Variants in GLG1 observed in about 807,000 individuals in gnomAD.
GLG1 encodes golgi glycoprotein 1.
A neutral mutation model predicts 160.5 loss-of-function variants in GLG1; 38 were observed. That is an observed-to-expected ratio of 0.24 (90% confidence interval 0.18 to 0.31). The LOEUF (loss-of-function observed/expected upper bound fraction) is 0.31. Ranked by LOEUF, GLG1 falls within the 10% of genes least tolerant of loss-of-function variation. The probability of loss-of-function intolerance (pLI) is 1.00; values close to 1 mark genes in which losing one functional copy is unlikely to be tolerated. For synonymous variants in GLG1, 644 were observed against 543.4 expected (o/e 1.19, Z -2.57); for missense variants, 1,373 against 1,505.2 (o/e 0.91, Z 1.45).
At chr16:74,462,775 C>A in intron 20 of GLG1, 145 bp from the exon 21 acceptor site, 2 of 733,422 alleles carry the variant, frequency 2.7e-6, no homozygotes, top group South Asian at 1.6e-5. Context: ...ATTTACTGAG[C>A]TCTCACTACA....
chr16:74,515,470 G>C (rs180732110), intron 2 of GLG1, among the ~76,000 whole-genome samples: 73 of 152,148 alleles, frequency 4.8e-4, no homozygotes, highest in Non-Finnish European at 8.7e-4. Context: ...TGCAATCAAA[G>C]TAGAACTCAG....
chr16:74,589,470 C>G (rs1597376635), intron 1 of GLG1, among the ~76,000 whole-genome samples: 1 of 152,090 alleles, frequency 6.6e-6, no homozygotes, highest in East Asian at 1.9e-4. Flanking sequence ...AGCAAATTCC[C>G]AAACCACTGA....
chr16:74,540,057 T>A (rs56125806), intron 1 of GLG1, among the ~76,000 whole-genome samples: 454 of 828 alleles, frequency 0.55, 153 homozygotes, highest in Non-Finnish European at 0.74. Flanking sequence ...TTATATATAT[T>A]TTATATATAT....
In GLG1 at chr16:74,448,616, G is replaced by C. The variant is rs769285313; in HGVS notation, c.*4551C>G. On this transcript the variant is annotated 3_prime_UTR_variant, in exon 26 of 26. Coordinates refer to ENST00000422840, the MANE Select transcript of GLG1 (RefSeq NM_001145667.2). ...AATAAGAAAAAATTATCCAGGCATG[G>C]TGGTGCATGCCCGTAATCCCAACTA... is the stretch of plus-strand genomic sequence containing the variant. 2.0e-5 allele frequency: 3 copies of C among 152,150 alleles called. No individual in the cohort carries two copies. The highest frequency in any genetic ancestry group is 4.4e-5 in the Non-Finnish European group (3 of 68,040). 9.4% of individuals were successfully genotyped at this position (152,150 alleles called of 1,614,324 possible).
At chr16:74,598,412 T>C (rs191154901) in intron 1 of GLG1, among the ~76,000 whole-genome samples, 1 of 151,266 alleles carries the variant, frequency 6.6e-6, no homozygotes, top group African/African-American at 2.4e-5. Flanking sequence ...TCCCAGCTAC[T>C]CGGGAGGCTG....
intron 1 of GLG1, among the ~76,000 whole-genome samples, chr16:74,596,294 T>A (rs567748320): frequency 6.7e-6 from 1 of 150,196 alleles, no homozygotes; most frequent in East Asian, 2.0e-4. Context: ...TTTGGGGGGC[T>A]AAGGCAGGTG....
In GLG1 at chr16:74,477,456, G is replaced by C. The variant is rs748089648; in HGVS notation, c.1905C>G (p.Leu635=). Residue 635 remains leucine, a synonymous_variant, in exon 12 of 26, where the codon CTC becomes CTG. Coordinates refer to ENST00000422840, the MANE Select transcript of GLG1 (RefSeq NM_001145667.2). ...RAMDVKLDPA[L]QDKCLIDLGK... Reference sequence around the variant, plus strand: ...CCAGATCAATCAGGCACTTATCCTGGAGGGCAGGATCCAGCTTGACATCCA... The same window carrying C: ...CCAGATCAATCAGGCACTTATCCTGCAGGGCAGGATCCAGCTTGACATCCA... 1.2e-5 allele frequency: 19 copies of C among 1,611,160 alleles called. No homozygotes were observed. Among genetic ancestry groups the C allele is most frequent in the Non-Finnish European group, 1.6e-5 (19 of 1,177,298 alleles).
chr16:74,495,089 A>C (rs1291320921), intron 5 of GLG1, among the ~76,000 whole-genome samples: 1 of 150,492 alleles, frequency 6.6e-6, no homozygotes, highest in Non-Finnish European at 1.5e-5. Flanking sequence ...AACCAAGAGA[A>C]GTGTTAGAGT....
chr16:74,487,145 A>G (rs1278353899), intron 8 of GLG1, among the ~76,000 whole-genome samples: 3 of 152,116 alleles, frequency 2.0e-5, no homozygotes, highest in Non-Finnish European at 4.4e-5. Context: ...AACTCAAGTG[A>G]TCCGCCCACC....
chr16:74,507,155 C>T (rs1200890780), intron 3 of GLG1, among the ~76,000 whole-genome samples: 1 of 152,140 alleles, frequency 6.6e-6, no homozygotes, highest in Non-Finnish European at 1.5e-5. Flanking sequence ...TATTTAATTT[C>T]CCTGACTCCA....
rs1567453255 is a variant in GLG1 at position 74,456,650 on chromosome 16, T to A, written c.3371A>T (p.Lys1124Met). 1.3e-6 allele frequency: 2 copies of A among 1,586,302 alleles called. No individual in the cohort carries two copies. The change falls in exon 25 of 26, where the codon AAG becomes ATG. Residue 1124 changes from lysine to methionine, a missense_variant and splice_region_variant. This residue lies in a region of GLG1 where 491 missense variants were observed against 632.1 expected (regional missense o/e 0.78). Coordinates refer to ENST00000422840, the MANE Select transcript of GLG1 (RefSeq NM_001145667.2). The part of the protein sequence containing the change: ...DRIEMWSYAA[K>M]VAPADGFSDL... ...AAAGGAGATTCTCTTGGTCATTACC[T>A]TTGCTGCGTAACTCCACATCTCAAT...
chr16:74,501,895 T>A (rs2016416263), intron 4 of GLG1, among the ~76,000 whole-genome samples: 1 of 152,210 alleles, frequency 6.6e-6, no homozygotes, highest in African/African-American at 2.4e-5. Flanking sequence ...CCTGAAAGAT[T>A]TATGCCAAGC....
At chr16:74,559,598 A>T (rs1464642682) in intron 1 of GLG1, among the ~76,000 whole-genome samples, 1 of 152,054 alleles carries the variant, frequency 6.6e-6, no homozygotes, top group African/African-American at 2.4e-5. Context: ...TTAATTTTAG[A>T]GAGTGAAATA....
At chr16:74,534,779 T>G (rs955032036) in intron 1 of GLG1, among the ~76,000 whole-genome samples, 1 of 152,148 alleles carries the variant, frequency 6.6e-6, no homozygotes, top group Non-Finnish European at 1.5e-5. Context: ...CAAATCAAGA[T>G]AGCAAAAGAG....
At chr16:74,480,204 A>C (rs374383232) in intron 11 of GLG1, 37 bp downstream of exon 11, 36 of 1,523,854 alleles carry the variant, frequency 2.4e-5, no homozygotes, top group Non-Finnish European at 3.1e-5. Flanking sequence ...AAAACAAATG[A>C]CAAGAAGAAG....
In GLG1 at chr16:74,449,176, A is replaced by T. The variant is rs1360507786; in HGVS notation, c.*3991T>A. 6.6e-6 allele frequency: 1 copy of T among 152,254 alleles called. No individual in the cohort carries two copies. Among genetic ancestry groups the T allele is most frequent in the African/African-American group, 2.4e-5 (1 of 41,448 alleles). 9.4% of individuals were successfully genotyped at this position (152,254 alleles called of 1,614,324 possible). On this transcript the variant is annotated 3_prime_UTR_variant, in exon 26 of 26. Coordinates refer to ENST00000422840, the MANE Select transcript of GLG1 (RefSeq NM_001145667.2). Reference sequence around the variant, plus strand: ...CTGTTCTAGGGCTGGCTGACTTCCAAGGTTCCTGGTCCAGCTTCCTTCTTC... The same window carrying T: ...CTGTTCTAGGGCTGGCTGACTTCCATGGTTCCTGGTCCAGCTTCCTTCTTC...
chr16:74,572,527 C>CAAAAAAAAAAA (rs35659060), intron 1 of GLG1, among the ~76,000 whole-genome samples: 1 of 127,470 alleles, frequency 7.8e-6, no homozygotes, highest in Non-Finnish European at 1.7e-5. Flanking sequence ...AAAAAACAAA[C>CAAAAAAAAAAA]AAAAAAAAAA....
intron 8 of GLG1, among the ~76,000 whole-genome samples, chr16:74,488,251 G>T (rs1413199760): frequency 6.6e-6 from 1 of 151,910 alleles, no homozygotes; most frequent in Non-Finnish European, 1.5e-5. Flanking sequence ...GAAAAAGAAA[G>T]AAAAAAGGGG....
At chr16:74,497,068 C>T (rs2016216192) in intron 4 of GLG1, among the ~76,000 whole-genome samples, 1 of 152,070 alleles carries the variant, frequency 6.6e-6, no homozygotes, top group African/African-American at 2.4e-5. Context: ...CACCTGAGGT[C>T]AGGAGTTCGA....
Sources: allele counts gnomAD v4.1 joint callset (sites outside exome capture counted in the v4.1 genomes callset), GRCh38; gene constraint gnomAD v4.1.1; regional missense constraint gnomAD v4.1.1; transcripts MANE v1.5; gene names NCBI Gene and HGNC (gene_info 2026-07-23, HGNC 2026-07-21).